PCDH15: variants seen among roughly 807,000 people sequenced by gnomAD.
PCDH15 encodes the protein protocadherin-15.
Under a neutral mutation model 178.5 loss-of-function variants are expected in PCDH15, and 129 were observed. The observed-to-expected ratio is 0.72, with a 90% confidence interval of 0.63 to 0.84. The LOEUF (loss-of-function observed/expected upper bound fraction) is 0.84, where lower values mean the gene tolerates loss of function less well. Ranked by LOEUF, PCDH15 falls within the 40% of genes least tolerant of loss-of-function variation. The pLI is 0.00. For synonymous variants in PCDH15, 800 were observed against 732.0 expected, an observed-to-expected ratio of 1.09 and a Z score of -1.50; for missense variants, 2,230 against 2,099.9, an observed-to-expected ratio of 1.06 and a Z score of -1.21.
intron 1 of PCDH15, among the ~76,000 whole-genome samples, chr10:55,288,870 G>GATATAT (rs143549237): frequency 4.8e-5 from 7 of 146,184 alleles, no homozygotes; most frequent in Non-Finnish European, 6.0e-5. Flanking sequence ...AATTCTATTA[G>GATATAT]ATATATATAT....
intron 2 of PCDH15, among the ~76,000 whole-genome samples, chr10:54,552,170 A>G (rs962561822): frequency 2.0e-5 from 3 of 152,120 alleles, no homozygotes; most frequent in African/African-American, 7.2e-5. Context: ...CTTATATTCA[A>G]CATTACATAT....
chr10:54,939,985 C>T (rs1838019185), intron 2 of PCDH15, among the ~76,000 whole-genome samples: 1 of 152,138 alleles, frequency 6.6e-6, no homozygotes, highest in South Asian at 2.1e-4. Context: ...ATTCAGACTA[C>T]AGCACACCTT....
At chr10:53,961,565 G>C (rs1265164999) in intron 22 of PCDH15, among the ~76,000 whole-genome samples, 187 bp downstream of exon 22, 1 of 151,794 alleles carries the variant, frequency 6.6e-6, no homozygotes, top group Non-Finnish European at 1.5e-5. Flanking sequence ...CTATTTCCAA[G>C]ATGTGAGATA....
rs926352734 is a variant in PCDH15 at position 54,734,925 on chromosome 10, A to C, written c.-29+66000T>G. ...TTCTTTGGGGTAATGAAACTATTTC[A>C]GTATCTTTATTGTGATGGTGGTTAC... is the stretch of plus-strand genomic sequence containing the variant. On this transcript the variant is annotated intron_variant, in intron 1 of 37. Transcript: ENST00000644397. Among the ~76,000 whole-genome samples the C allele has an allele frequency of 3.9e-5, 6 of 152,046 alleles. No individual in the cohort carries two copies. The East Asian group carries it at 9.7e-4, about 25-fold the overall frequency.
chr10:54,029,279 G>A (rs1328941639), intron 18 of PCDH15, among the ~76,000 whole-genome samples: 1 of 152,068 alleles, frequency 6.6e-6, no homozygotes, highest in Admixed American at 6.6e-5. Context: ...AGTGTATGAT[G>A]CTATAATGAA....
chr10:54,647,962 T>A (rs1010722887), intron 2 of PCDH15, among the ~76,000 whole-genome samples: 1 of 152,124 alleles, frequency 6.6e-6, no homozygotes, highest in African/African-American at 2.4e-5. Context: ...TATCATATCA[T>A]CAAACTGCCT....
At chr10:53,888,883 G>C (rs1175271625) in intron 26 of PCDH15, among the ~76,000 whole-genome samples, 1 of 150,246 alleles carries the variant, frequency 6.7e-6, no homozygotes, top group Non-Finnish European at 1.5e-5. Flanking sequence ...ACAGGTCAAT[G>C]AAATAGAATA....
intron 2 of PCDH15, among the ~76,000 whole-genome samples, chr10:55,418,778 T>A (rs1031142396): frequency 6.6e-6 from 1 of 151,810 alleles, no homozygotes; most frequent in Non-Finnish European, 1.5e-5. Context: ...TTATCTTTCA[T>A]GGGAGAGATT....
chr10:54,067,724 A>C (rs906167381), intron 17 of PCDH15, among the ~76,000 whole-genome samples: 11 of 149,580 alleles, frequency 7.4e-5, no homozygotes, highest in African/African-American at 2.7e-4. Flanking sequence ...CTGGAAAGTA[A>C]GAAACCTGGT....
At chr10:55,283,424 T>C (rs1842784468) in intron 1 of PCDH15, among the ~76,000 whole-genome samples, 1 of 151,874 alleles carries the variant, frequency 6.6e-6, no homozygotes, top group Admixed American at 6.6e-5. Flanking sequence ...AAAACTCACC[T>C]CTCTGGTACA....
At chr10:53,989,967 C>A (rs951981796) in intron 21 of PCDH15, among the ~76,000 whole-genome samples, 2 of 152,126 alleles carry the variant, frequency 1.3e-5, no homozygotes, top group Non-Finnish European at 2.9e-5. Context: ...ACAAAGCAAG[C>A]AAGCAGCGAA....
rs1414791581 is a variant in PCDH15, at chr10:54,668,977, C to A, written c.-28-4687G>T. ...GCTACAAAACTAAAACTTGTCACTG[C>A]TTTGTATTCCTTGTGAGAAACGTAT... On this transcript the variant is annotated intron_variant, in intron 1 of 37. Transcript: ENST00000644397. Among the ~76,000 whole-genome samples the A allele has an allele frequency of 2.0e-5, 3 of 152,136 alleles. No homozygotes were observed. The East Asian group carries it at 5.8e-4, about 29-fold the overall frequency.
chr10:55,566,211 G>A (rs958486335), intron 2 of PCDH15, among the ~76,000 whole-genome samples: 1 of 151,354 alleles, frequency 6.6e-6, no homozygotes, highest in African/African-American at 2.4e-5. Context: ...GAATCACATG[G>A]TTATCTCAAT....
intron 1 of PCDH15, among the ~76,000 whole-genome samples, chr10:55,167,224 C>A (rs1396157379): frequency 6.6e-6 from 1 of 152,106 alleles, no homozygotes; most frequent in Admixed American, 6.6e-5. Context: ...AGCTATTCTC[C>A]CACCTCAGCC....
intron 3 of PCDH15, among the ~76,000 whole-genome samples, chr10:54,463,286 C>T (rs1160864973): frequency 6.6e-6 from 1 of 152,130 alleles, no homozygotes; most frequent in Non-Finnish European, 1.5e-5. Flanking sequence ...GCTATATAAT[C>T]TCACATTAAG....
chr10:55,620,741 TATA>T (rs1843575260), intron 2 of PCDH15, among the ~76,000 whole-genome samples: 1 of 151,506 alleles, frequency 6.6e-6, no homozygotes, highest in Non-Finnish European at 1.5e-5. Flanking sequence ...ATAAATAATA[TATA>T]ATCTAGCAGT....
chr10:55,204,657 G>C lies in PCDH15; in HGVS notation c.-155-38006C>G, dbSNP rs183144791. 2.6e-5 allele frequency among the ~76,000 whole-genome samples: 4 copies of C among 152,162 alleles called. No homozygotes were observed. In the East Asian group the frequency reaches 7.7e-4, roughly 29 times the overall value. On this transcript the variant is annotated intron_variant, in intron 1 of 5. Coordinates refer to the PCDH15 transcript ENST00000458638. ...GCTGGAGAGATCTTAACTTCAGAGA[G>C]AAAATTGAGTCAGGAATGCACAACT...
rs35119108 is a variant in PCDH15, at chr10:54,272,037, T to TTA, written c.877-35108_877-35107dup. On this transcript the variant is annotated intron_variant, in intron 8 of 37. Coordinates refer to ENST00000644397, the MANE Select transcript of PCDH15 (RefSeq NM_001384140.1). ...ATATATATATTTTATATATAATATATTATATATATATATAAAACATTTGCT... is the reference window on the plus strand; with the variant it reads ...ATATATATATTTTATATATAATATATTATATATATATATATAAAACATTTGCT... Among the ~76,000 whole-genome samples the TTA allele has an allele frequency of 4.8e-3, 693 of 145,832 alleles. 3 individuals are homozygous for TTA. Among genetic ancestry groups the TTA allele is most frequent in the African/African-American group, 0.016 (642 of 40,156 alleles).
intron 8 of PCDH15, among the ~76,000 whole-genome samples, chr10:54,316,255 T>C (rs2061261129): frequency 6.6e-6 from 1 of 152,074 alleles, no homozygotes. Context: ...GAAAAACCAA[T>C]AGATGTATTA....
Sources: allele counts gnomAD v4.1 joint callset (sites outside exome capture counted in the v4.1 genomes callset), GRCh38; gene constraint gnomAD v4.1.1; transcripts MANE v1.5; gene names NCBI Gene and HGNC (gene_info 2026-07-23, HGNC 2026-07-21).